SPAG16: variants seen among roughly 807,000 people sequenced by gnomAD.
The protein encoded by SPAG16 is sperm associated antigen 16, also known as sperm-associated antigen 16 protein.
SPAG16 carries 86 observed loss-of-function variants against 80.4 expected under a neutral mutation model. The observed-to-expected ratio is 1.07, with a 90% confidence interval of 0.90 to 1.28. The LOEUF (loss-of-function observed/expected upper bound fraction) is 1.28. SPAG16 is among the 50% of genes most tolerant of loss of function. The pLI is 0.00. For synonymous variants in SPAG16, 294 were observed against 265.9 expected (o/e 1.11, Z -1.03); for missense variants, 870 against 765.3 (o/e 1.14, Z -1.61).
At chr2:214,054,054 T>C (rs897872201) in intron 13 of SPAG16, among the ~76,000 whole-genome samples, 2 of 152,066 alleles carry the variant, frequency 1.3e-5, no homozygotes, top group Non-Finnish European at 2.9e-5. Flanking sequence ...GCCTCCCTTT[T>C]GTTGGAGGGC....
At chr2:213,654,901 G>A (rs1050329049) in intron 10 of SPAG16, among the ~76,000 whole-genome samples, 11 of 152,104 alleles carry the variant, frequency 7.2e-5, no homozygotes, top group South Asian at 4.1e-4. Flanking sequence ...ATGTTTAAAC[G>A]GTGAATGATA....
intron 10 of SPAG16, among the ~76,000 whole-genome samples, chr2:213,681,411 C>T (rs1428794688): frequency 2.0e-5 from 3 of 152,136 alleles, no homozygotes; most frequent in Non-Finnish European, 4.4e-5. Flanking sequence ...ACTTAGTCCT[C>T]ATAATCTTGT....
intron 12 of SPAG16, among the ~76,000 whole-genome samples, chr2:213,937,405 G>A (rs1007568276): frequency 1.3e-5 from 2 of 151,910 alleles, no homozygotes; most frequent in African/African-American, 4.8e-5. Flanking sequence ...CCAAAGTAAT[G>A]CTTAAAATAT....
chr2:214,288,343 G>T (rs1693523018), intron 15 of SPAG16, among the ~76,000 whole-genome samples: 1 of 152,088 alleles, frequency 6.6e-6, no homozygotes, highest in Admixed American at 6.6e-5. Flanking sequence ...CAATTATGTT[G>T]ATTCCATATC....
At chr2:213,642,356 C>T (rs190176136) in intron 10 of SPAG16, among the ~76,000 whole-genome samples, 47 of 152,252 alleles carry the variant, frequency 3.1e-4, no homozygotes, top group Admixed American at 2.3e-3. Context: ...TGTCTCCTAT[C>T]GGCAAGTTTT....
chr2:214,324,538 G>C (rs1696338868), intron 15 of SPAG16, among the ~76,000 whole-genome samples: 1 of 152,162 alleles, frequency 6.6e-6, no homozygotes, highest in Non-Finnish European at 1.5e-5. Flanking sequence ...AGTTGCTCAT[G>C]AGAGGATCTG....
At chr2:213,325,919 A>G (rs1300162701) in intron 5 of SPAG16, among the ~76,000 whole-genome samples, 3 of 152,008 alleles carry the variant, frequency 2.0e-5, no homozygotes, top group African/African-American at 7.2e-5. Flanking sequence ...ATTGTGTGCT[A>G]TTAAACTTTT....
chr2:214,098,658 A>G (rs2052769496), intron 13 of SPAG16, among the ~76,000 whole-genome samples: 1 of 152,110 alleles, frequency 6.6e-6, no homozygotes. Flanking sequence ...TTGTTATGGT[A>G]GCTTTAGCAA....
At chr2:213,303,202 G>A (rs538918033) in intron 3 of SPAG16, among the ~76,000 whole-genome samples, 1 of 151,850 alleles carries the variant, frequency 6.6e-6, no homozygotes, top group Admixed American at 6.6e-5. Context: ...TTGGCATCCT[G>A]TACTTCTTAT....
intron 10 of SPAG16, among the ~76,000 whole-genome samples, chr2:213,697,873 C>T (rs1282245972): frequency 6.6e-6 from 1 of 152,202 alleles, no homozygotes; most frequent in Non-Finnish European, 1.5e-5. Flanking sequence ...CCTCTACCTG[C>T]TCAGCTCTAG....
chr2:213,560,823 A>G (rs975475258), intron 10 of SPAG16, among the ~76,000 whole-genome samples: 4 of 152,218 alleles, frequency 2.6e-5, no homozygotes, highest in African/African-American at 9.6e-5. Flanking sequence ...TTAAACTACT[A>G]TCTTTCAACT....
chr2:213,315,905 C>T (rs1255361155), intron 4 of SPAG16, among the ~76,000 whole-genome samples: 1 of 151,876 alleles, frequency 6.6e-6, no homozygotes, highest in Non-Finnish European at 1.5e-5. Flanking sequence ...TTTTCTTTTC[C>T]CCTCAACCTG....
At chr2:213,734,851 A>G (rs546686995) in intron 10 of SPAG16, among the ~76,000 whole-genome samples, 2 of 152,296 alleles carry the variant, frequency 1.3e-5, no homozygotes, top group South Asian at 4.1e-4. Flanking sequence ...CTGTAATTAT[A>G]AAATAAAATG....
intron 9 of SPAG16, among the ~76,000 whole-genome samples, chr2:213,424,121 T>G (rs1325134465): frequency 6.6e-6 from 1 of 152,100 alleles, no homozygotes; most frequent in Admixed American, 6.5e-5. Context: ...CAGGGGGAAA[T>G]AAGTGTAGTC....
intron 13 of SPAG16, among the ~76,000 whole-genome samples, chr2:214,049,851 T>C (rs2049545089): frequency 6.6e-6 from 1 of 152,204 alleles, no homozygotes; most frequent in South Asian, 2.1e-4. Flanking sequence ...GGTTAAACTT[T>C]TTTAAAAAAA....
chr2:213,362,059 T>A (rs1013384734), intron 7 of SPAG16, among the ~76,000 whole-genome samples: 1 of 152,068 alleles, frequency 6.6e-6, no homozygotes, highest in African/African-American at 2.4e-5. Context: ...CAGGCATTCT[T>A]GTCCAGTTGC....
At chr2:213,889,283 A>G (rs2076685277) in intron 11 of SPAG16, among the ~76,000 whole-genome samples, 1 of 151,982 alleles carries the variant, frequency 6.6e-6, no homozygotes, top group Non-Finnish European at 1.5e-5. Flanking sequence ...TATATCATCT[A>G]AAAGATACCT....
At chr2:214,260,931 AC>A (rs780709861) in intron 15 of SPAG16, among the ~76,000 whole-genome samples, 34 of 151,618 alleles carry the variant, frequency 2.2e-4, no homozygotes, top group Non-Finnish European at 4.3e-4. Context: ...ACATGGCGAA[AC>A]CCTGTCTCTA....
intron 12 of SPAG16, among the ~76,000 whole-genome samples, chr2:213,980,291 G>A (rs1301482417): frequency 8.0e-4 from 30 of 37,326 alleles, no homozygotes; most frequent in African/African-American, 6.8e-3. Flanking sequence ...TAGAATATAT[G>A]TGTGTATATA....
Sources: gnomAD v4.1 joint callset for allele counts (sites outside exome capture counted in the v4.1 genomes callset) on GRCh38, gnomAD v4.1.1 for gene constraint, MANE v1.5 for transcripts, NCBI Gene and HGNC (gene_info 2026-07-23, HGNC 2026-07-21) for gene names.